The following SGIP1 variants were observed in gnomAD, a reference collection of about 807,000 sequenced individuals.
The protein encoded by SGIP1 is SH3-containing GRB2-like protein 3-interacting protein 1.
In SGIP1, 38 loss-of-function variants were observed where a neutral mutation model predicts 107.5. The observed-to-expected ratio is 0.35, with a 90% CI of 0.27 to 0.46. The LOEUF is 0.46. Ranked by LOEUF, SGIP1 falls within the 20% of genes least tolerant of loss-of-function variation. The probability of loss-of-function intolerance (pLI) is 1.00; values close to 1 mark genes in which losing one functional copy is unlikely to be tolerated. For synonymous variants in SGIP1, 365 were observed against 366.1 expected (o/e 1.00, Z 0.03); for missense variants, 929 against 1,019.5 (o/e 0.91, Z 1.21).
chr1:66,626,016 A>G, intron 2 of SGIP1, 106 bp downstream of exon 2: 1 of 721,752 alleles, frequency 1.4e-6, no homozygotes. Flanking sequence ...ATTGTGTACT[A>G]TTTGCTTTCC....
At chr1:66,705,971 G>A (rs1017068612) in intron 18 of SGIP1, among the ~76,000 whole-genome samples, 3 of 151,906 alleles carry the variant, frequency 2.0e-5, no homozygotes, top group African/African-American at 7.3e-5. Flanking sequence ...AAACCACCAT[G>A]GCACATGTTT....
chr1:66,679,113 C>A (rs1028777179), intron 13 of SGIP1, among the ~76,000 whole-genome samples: 1 of 152,168 alleles, frequency 6.6e-6, no homozygotes, highest in Non-Finnish European at 1.5e-5. Context: ...TTGACCCAAG[C>A]AGTTAGTTTG....
At position 66,637,280 on chromosome 1, in the gene SGIP1, A is replaced by G. The variant is rs757863478; in HGVS notation, c.171+1265A>G. ...TAGTACTACAGTTGCACCTTTCTCAATGGTTAAACCAACAAAGAATTGTTT... is the reference window on the plus strand; with the variant it reads ...TAGTACTACAGTTGCACCTTTCTCAGTGGTTAAACCAACAAAGAATTGTTT... On this transcript the variant is annotated intron_variant, in intron 4 of 24. Transcript: ENST00000371037. Among the ~76,000 whole-genome samples the G allele has an allele frequency of 2.2e-4, 34 of 152,090 alleles. 1 individual carries two copies. The highest frequency in any genetic ancestry group is 4.6e-4 in the Non-Finnish European group (31 of 68,016).
chr1:66,622,097 C>T (rs1159567687), intron 1 of SGIP1, among the ~76,000 whole-genome samples: 1 of 152,218 alleles, frequency 6.6e-6, no homozygotes, highest in South Asian at 2.1e-4. Context: ...ATGAATGAAA[C>T]CACGTGAGTG....
chr1:66,718,345 T>C (rs1477333331), intron 18 of SGIP1, among the ~76,000 whole-genome samples: 1 of 152,052 alleles, frequency 6.6e-6, no homozygotes, highest in Non-Finnish European at 1.5e-5. Context: ...TAAATGTTGA[T>C]ACTTTTCAGA....
At chr1:66,676,095 T>C (rs187103853) in intron 12 of SGIP1, among the ~76,000 whole-genome samples, 30 of 152,352 alleles carry the variant, frequency 2.0e-4, no homozygotes, top group Admixed American at 1.6e-3. Flanking sequence ...TCTATTCATA[T>C]ATCTTTCCTC....
rs1240209063 is a variant in SGIP1 at position 66,675,542 on chromosome 1, T to TC, written c.647-1462_647-1461insC. ...TTGTTTTTCTTTTTCTTTTTCTTTC[T>TC]TTTTTTTTTTTTTTTTTGACAGAAT... is the stretch of plus-strand genomic sequence containing the variant. On this transcript the variant is annotated intron_variant, in intron 12 of 24. Coordinates refer to ENST00000371037, the MANE Select transcript of SGIP1 (RefSeq NM_032291.4). Among the ~76,000 whole-genome samples the TC allele has an allele frequency of 2.5e-4, 28 of 111,416 alleles. 1 individual carries two copies. Among genetic ancestry groups the TC allele is most frequent in the African/African-American group, 1.0e-3 (26 of 24,834 alleles). 73.1% of individuals were successfully genotyped at this position (111,416 alleles called of 152,430 possible).
chr1:66,683,700 CTTTTTTTTTTTTTTT>C (rs869266510), intron 15 of SGIP1, among the ~76,000 whole-genome samples: 2 of 61,392 alleles, frequency 3.3e-5, no homozygotes, highest in East Asian at 2.2e-3. Context: ...TGTTTCTTTT[CTTTTTTTTTTTTTTT>C]TTTTTTTTTT....
At chr1:66,572,044 T>C (rs918958542) in intron 1 of SGIP1, among the ~76,000 whole-genome samples, 1 of 152,072 alleles carries the variant, frequency 6.6e-6, no homozygotes, top group African/African-American at 2.4e-5. Context: ...AATGTCTCTC[T>C]GTCTCTGTAC....
chr1:66,640,308 G>A (rs1212373915), intron 5 of SGIP1, among the ~76,000 whole-genome samples: 9 of 152,170 alleles, frequency 5.9e-5, no homozygotes, highest in Non-Finnish European at 2.9e-5. Context: ...TCAGTAACCT[G>A]CCTAGCCTGT....
intron 1 of SGIP1, among the ~76,000 whole-genome samples, chr1:66,616,632 T>C (rs897899457): frequency 6.6e-6 from 1 of 152,210 alleles, no homozygotes; most frequent in African/African-American, 2.4e-5. Context: ...CATGGATCTT[T>C]GTACAGTTCT....
At chr1:66,657,845 C>A (rs1484823932) in intron 7 of SGIP1, among the ~76,000 whole-genome samples, 1 of 152,178 alleles carries the variant, frequency 6.6e-6, no homozygotes, top group African/African-American at 2.4e-5. Flanking sequence ...ACTCCCATTT[C>A]TCTTATTTAT....
chr1:66,662,306 A>G (rs1253195006), intron 8 of SGIP1, among the ~76,000 whole-genome samples: 4 of 152,142 alleles, frequency 2.6e-5, no homozygotes, highest in African/African-American at 7.2e-5. Context: ...TTTATTGCCT[A>G]TTTTCATCTT....
intron 15 of SGIP1, among the ~76,000 whole-genome samples, chr1:66,686,416 CTTAA>C (rs1234387560): frequency 6.6e-6 from 1 of 152,162 alleles, no homozygotes; most frequent in Non-Finnish European, 1.5e-5. Context: ...AAAGTTAAAT[CTTAA>C]ACAGTGTTGC....
intron 10 of SGIP1, among the ~76,000 whole-genome samples, chr1:66,671,585 C>T (rs1197394659): frequency 6.6e-6 from 1 of 152,166 alleles, no homozygotes. Context: ...TCATGTATTA[C>T]ACATATGGCC....
At position 66,681,857 on chromosome 1, in the gene SGIP1, C is replaced by T. The variant is rs765413624; in HGVS notation, c.815-12C>T. On this transcript the variant is annotated splice_polypyrimidine_tract_variant and intron_variant, in intron 14 of 24. Transcript: ENST00000371037. ...GTCAATTAAAGTTTAAAATCAACTA[C>T]TTTAACCACAGGAAATGACCAGTCA... 2 of 1,603,542 alleles carry T rather than the reference C, an allele frequency of 1.2e-6. No individual in the cohort carries two copies. The highest frequency in any genetic ancestry group is 2.7e-5 in the African/African-American group (2 of 74,494).
chr1:66,656,799 C>G (rs6656461), intron 7 of SGIP1, among the ~76,000 whole-genome samples: 40,001 of 152,002 alleles, frequency 0.26, 5,363 homozygotes, highest in Admixed American at 0.28. Context: ...TCCTTTTGCT[C>G]CTTGTGAATA....
intron 1 of SGIP1, among the ~76,000 whole-genome samples, chr1:66,617,728 T>C (rs2069746477): frequency 6.6e-6 from 1 of 152,162 alleles, no homozygotes; most frequent in South Asian, 2.1e-4. Context: ...ATTTATGGGG[T>C]CCCTTTATGT....
At chr1:66,647,090 G>A (rs551923570) in intron 7 of SGIP1, among the ~76,000 whole-genome samples, 1 of 152,114 alleles carries the variant, frequency 6.6e-6, no homozygotes, top group Non-Finnish European at 1.5e-5. Flanking sequence ...AATAATAATG[G>A]CTTAAACAAT....
Sources: gnomAD v4.1 joint callset for allele counts (sites outside exome capture counted in the v4.1 genomes callset) on GRCh38, gnomAD v4.1.1 for gene constraint, MANE v1.5 for transcripts, NCBI Gene and HGNC (gene_info 2026-07-23, HGNC 2026-07-21) for gene names.